EML5: variants seen among roughly 807,000 people sequenced by gnomAD.
EML5 encodes EMAP like 5, also known as echinoderm microtubule-associated protein-like 5.
EML5 carries 120 observed loss-of-function variants against 250.0 expected under a neutral mutation model. That is an observed-to-expected ratio of 0.48 (90% CI 0.41 to 0.56). The LOEUF (loss-of-function observed/expected upper bound fraction) is 0.56, where lower values mean the gene tolerates loss of function less well. EML5 is among the 20% of genes least tolerant of loss of function. EML5 has a pLI of 0.00. For synonymous variants in EML5, 771 were observed against 806.5 expected, an observed-to-expected ratio of 0.96 and a Z score of 0.75; for missense variants, 2,006 against 2,437.6, an observed-to-expected ratio of 0.82 and a Z score of 3.73.
intron 7 of EML5, among the ~76,000 whole-genome samples, chr14:88,735,944 C>G (rs1448403623): frequency 6.6e-6 from 1 of 151,322 alleles, no homozygotes; most frequent in Non-Finnish European, 1.5e-5. Context: ...TTCAGTATTA[C>G]TTATGTTCAT....
intron 21 of EML5, among the ~76,000 whole-genome samples, chr14:88,678,406 C>T (rs1386042354): frequency 6.6e-6 from 1 of 151,980 alleles, no homozygotes; most frequent in Non-Finnish European, 1.5e-5. Context: ...ATGTGACAAA[C>T]CTGCACATCC....
chr14:88,726,528 C>A lies in EML5; in HGVS notation c.1187+13G>T. 4 of 1,597,044 alleles carry A rather than the reference C, an allele frequency of 2.5e-6. No homozygotes were observed. Among genetic ancestry groups the A allele is most frequent in the Non-Finnish European group, 3.4e-6 (4 of 1,171,632 alleles). On this transcript the variant is annotated intron_variant, in intron 8 of 43. Coordinates refer to ENST00000554922, the MANE Select transcript of EML5 (RefSeq NM_183387.3). ...AGATAAAATTATTATGTGTTTCTACCCTAATACCATACCTTACTCTAAGTA... is the reference window on the plus strand; with the variant it reads ...AGATAAAATTATTATGTGTTTCTACACTAATACCATACCTTACTCTAAGTA...
At chr14:88,742,269 G>A (rs1397966093) in intron 4 of EML5, among the ~76,000 whole-genome samples, 1 of 151,768 alleles carries the variant, frequency 6.6e-6, no homozygotes, top group East Asian at 1.9e-4. Context: ...ACACACACAC[G>A]CTTTCCAATA....
intron 10 of EML5, among the ~76,000 whole-genome samples, chr14:88,710,211 G>T (rs2093381670): frequency 1.3e-5 from 2 of 152,164 alleles, no homozygotes; most frequent in African/African-American, 2.4e-5. Flanking sequence ...AAAAAAATAT[G>T]AAGAGGGGTG....
At chr14:88,768,822 G>T (rs2094354397) in intron 1 of EML5, among the ~76,000 whole-genome samples, 1 of 151,896 alleles carries the variant, frequency 6.6e-6, no homozygotes, top group Non-Finnish European at 1.5e-5. Context: ...ATTTATATCA[G>T]CTTGAACTCA....
chr14:88,774,861 C>T (rs1170044569), intron 1 of EML5, among the ~76,000 whole-genome samples: 2 of 152,184 alleles, frequency 1.3e-5, no homozygotes, highest in African/African-American at 2.4e-5. Context: ...GAATTATAGA[C>T]ATGTATGTTC....
chr14:88,616,653 TG>T, intron 42 of EML5, 72 bp downstream of exon 42: 1 of 1,362,384 alleles, frequency 7.3e-7, no homozygotes, highest in Non-Finnish European at 9.9e-7. Context: ...TTTAAATATA[TG>T]GGGAAAAGTG....
At chr14:88,663,312 T>C (rs1332178253) in intron 23 of EML5, among the ~76,000 whole-genome samples, 193 bp from the exon 24 acceptor site, 4 of 152,176 alleles carry the variant, frequency 2.6e-5, no homozygotes, top group Non-Finnish European at 4.4e-5. Context: ...TCATAAGTGG[T>C]TTGATTTTTG....
intron 41 of EML5, 75 bp downstream of exon 41, chr14:88,618,152 TC>T: frequency 8.0e-7 from 1 of 1,251,076 alleles, no homozygotes; most frequent in South Asian, 1.3e-5. Flanking sequence ...TTGGAATGGC[TC>T]TAACAGTTCA....
chr14:88,664,198 G>A (rs542243686), intron 23 of EML5, among the ~76,000 whole-genome samples: 33 of 149,782 alleles, frequency 2.2e-4, no homozygotes, highest in African/African-American at 7.4e-4. Flanking sequence ...GATGACTTAA[G>A]CCCAGGAGGT....
At chr14:88,713,902 A>G (rs186308073) in intron 9 of EML5, among the ~76,000 whole-genome samples, 11 of 150,124 alleles carry the variant, frequency 7.3e-5, no homozygotes, top group African/African-American at 1.2e-4. Context: ...CAGTGGCAAC[A>G]TAACGGCTCA....
chr14:88,682,588 T>C (rs2092738091), intron 20 of EML5, among the ~76,000 whole-genome samples: 2 of 152,104 alleles, frequency 1.3e-5, no homozygotes, highest in South Asian at 4.1e-4. Flanking sequence ...ACTCCGAGAC[T>C]GATGCAACCA....
At chr14:88,662,592 G>C (rs1445692165) in intron 24 of EML5, among the ~76,000 whole-genome samples, 2 of 149,506 alleles carry the variant, frequency 1.3e-5, no homozygotes, top group Non-Finnish European at 3.0e-5. Context: ...ACCCAGGCTG[G>C]AGTGTAGTGG....
At position 88,642,940 on chromosome 14, in the gene EML5, A is replaced by G; in HGVS notation, c.4190T>C (p.Ile1397Thr). ...NVHYLNDGDD[I>T]IYHTASVGIL... Reference sequence around the variant, plus strand: ...TCCAACAGATGCAGTGTGATAAATTATATCATCACCATCATTTAAATAGTG... The same window carrying G: ...TCCAACAGATGCAGTGTGATAAATTGTATCATCACCATCATTTAAATAGTG... The change falls in exon 31 of 44, where the codon ATA becomes ACA. Residue 1397 changes from isoleucine to threonine, a missense_variant. Coordinates refer to ENST00000554922, the MANE Select transcript of EML5 (RefSeq NM_183387.3). 6.2e-7 allele frequency: 1 copy of G among 1,606,898 alleles called. No homozygotes were observed. The highest frequency in any genetic ancestry group is 8.5e-7 in the Non-Finnish European group (1 of 1,177,780).
intron 32 of EML5, among the ~76,000 whole-genome samples, chr14:88,636,063 CAT>C (rs1352635081): frequency 6.6e-6 from 1 of 152,116 alleles, no homozygotes; most frequent in Non-Finnish European, 1.5e-5. Flanking sequence ...TTTCTTAAGA[CAT>C]GTGGTTATCC....
At chr14:88,742,170 T>G (rs2140262736) in intron 4 of EML5, among the ~76,000 whole-genome samples, 1 of 152,278 alleles carries the variant, frequency 6.6e-6, no homozygotes, top group East Asian at 1.9e-4. Context: ...CAAATTATTT[T>G]GATGCTCAGC....
chr14:88,748,999 AG>A lies in EML5; in HGVS notation c.358-2717del, dbSNP rs1442397601. On this transcript the variant is annotated intron_variant, in intron 2 of 43. Coordinates refer to ENST00000554922, the MANE Select transcript of EML5 (RefSeq NM_183387.3). ...AGAAGGAGAGAAAAGACAGAGGAAA[AG>A]AAAAAAAAAAACTGAAGAAATAATA... Among the ~76,000 whole-genome samples the A allele has an allele frequency of 4.6e-5, 7 of 151,702 alleles. No individual in the cohort carries two copies. In the East Asian group the frequency reaches 1.3e-3, roughly 29 times the overall value.
intron 13 of EML5, among the ~76,000 whole-genome samples, chr14:88,704,633 TA>T (rs1335560514): frequency 6.6e-6 from 1 of 152,328 alleles, no homozygotes; most frequent in South Asian, 2.1e-4. Flanking sequence ...CAATGTCCTT[TA>T]TAATCATCTT....
intron 9 of EML5, among the ~76,000 whole-genome samples, chr14:88,713,391 C>CA (rs61528440): frequency 0.014 from 2,067 of 147,756 alleles, 20 homozygotes; most frequent in Non-Finnish European, 0.02. Flanking sequence ...AACTCCGTCT[C>CA]AAAAAAAAAA....
Sources: gnomAD v4.1 joint callset for allele counts (sites outside exome capture counted in the v4.1 genomes callset) on GRCh38, gnomAD v4.1.1 for gene constraint, MANE v1.5 for transcripts, NCBI Gene and HGNC (gene_info 2026-07-23, HGNC 2026-07-21) for gene names.